MACROD2: variants seen among roughly 807,000 people sequenced by gnomAD.
MACROD2 encodes the protein mono-ADP ribosylhydrolase 2.
In MACROD2, 36 loss-of-function variants were observed where a neutral mutation model predicts 70.4. That is an observed-to-expected ratio of 0.51 (90% confidence interval 0.39 to 0.68). The LOEUF is 0.68. Ranked by LOEUF, MACROD2 falls within the 30% of genes least tolerant of loss-of-function variation. MACROD2 has a pLI of 0.00. For synonymous variants in MACROD2, 172 were observed against 178.8 expected, an observed-to-expected ratio of 0.96 and a Z score of 0.30; for missense variants, 496 against 538.4, an observed-to-expected ratio of 0.92 and a Z score of 0.78.
intron 5 of MACROD2, among the ~76,000 whole-genome samples, chr20:14,866,537 A>G (rs1160665624): frequency 6.6e-6 from 1 of 152,142 alleles, no homozygotes; most frequent in Non-Finnish European, 1.5e-5. Context: ...TTGGTGATTC[A>G]TAATTTAGTA....
At position 15,460,902 on chromosome 20, in the gene MACROD2, G is replaced by GC. The variant is rs1302145432; in HGVS notation, c.571+29467_571+29468insC. On this transcript the variant is annotated intron_variant, in intron 7 of 17. Transcript: ENST00000684519. Reference sequence around the variant, plus strand: ...AACCTAAGTGTGATGGAGAAGTGAGGGTAGATGTGGAGAAGATGAATGAGT... The same window carrying GC: ...AACCTAAGTGTGATGGAGAAGTGAGGCGTAGATGTGGAGAAGATGAATGAGT... 3.4e-5 allele frequency among the ~76,000 whole-genome samples: 5 copies of GC among 148,046 alleles called. No homozygotes were observed. In the Admixed American group the frequency reaches 3.4e-4, roughly 10 times the overall value.
At chr20:14,688,705 G>T (rs965989231) in intron 5 of MACROD2, among the ~76,000 whole-genome samples, 16 of 152,108 alleles carry the variant, frequency 1.1e-4, no homozygotes, top group African/African-American at 3.9e-4. Flanking sequence ...TTAGAAGCTT[G>T]TTGACATATG....
chr20:14,319,419 C>G (rs2082639670), intron 3 of MACROD2, among the ~76,000 whole-genome samples: 1 of 152,306 alleles, frequency 6.6e-6, no homozygotes, highest in Non-Finnish European at 1.5e-5. Flanking sequence ...CTCCCATCTT[C>G]TTCCTCAGGT....
chr20:15,984,124 A>G (rs2066442528), intron 13 of MACROD2, among the ~76,000 whole-genome samples: 2 of 86,524 alleles, frequency 2.3e-5, no homozygotes, highest in Admixed American at 2.6e-4. Context: ...ACTTTTTTTA[A>G]CTTTTTATAA....
At chr20:15,789,157 A>T (rs1484343824) in intron 8 of MACROD2, among the ~76,000 whole-genome samples, 3 of 152,170 alleles carry the variant, frequency 2.0e-5, no homozygotes, top group African/African-American at 7.2e-5. Context: ...TCTGATTTCT[A>T]GCCACAGCGA....
intron 7 of MACROD2, among the ~76,000 whole-genome samples, chr20:15,447,833 G>A (rs1369499611): frequency 6.6e-6 from 1 of 152,120 alleles, no homozygotes; most frequent in East Asian, 1.9e-4. Flanking sequence ...TCTAATGGGG[G>A]AGTGACTCAT....
At chr20:15,341,574 T>C (rs965020729) in intron 6 of MACROD2, among the ~76,000 whole-genome samples, 11 of 152,330 alleles carry the variant, frequency 7.2e-5, no homozygotes, top group Admixed American at 7.2e-4. Flanking sequence ...TTGACATATG[T>C]TAAGGAAAAT....
At chr20:14,563,821 C>T (rs924660271) in intron 4 of MACROD2, among the ~76,000 whole-genome samples, 8 of 151,910 alleles carry the variant, frequency 5.3e-5, no homozygotes, top group African/African-American at 1.4e-4. Context: ...TTACCAACAT[C>T]GTTTTTCCCA....
chr20:14,045,074 C>A (rs12481246), intron 2 of MACROD2, among the ~76,000 whole-genome samples: 2 of 152,146 alleles, frequency 1.3e-5, no homozygotes, highest in Non-Finnish European at 2.9e-5. Context: ...CTTGCCGCTC[C>A]GAGTGCGGGG....
intron 8 of MACROD2, among the ~76,000 whole-genome samples, chr20:15,712,121 A>T (rs1600795001): frequency 6.6e-6 from 1 of 152,242 alleles, no homozygotes; most frequent in East Asian, 1.9e-4. Context: ...TCCAGCAGCC[A>T]AAATGTTGTT....
intron 3 of MACROD2, among the ~76,000 whole-genome samples, chr20:14,347,500 A>T (rs117036502): frequency 0.012 from 1,824 of 152,234 alleles, 19 homozygotes; most frequent in Admixed American, 0.023. Flanking sequence ...AATATAGTAA[A>T]ATCTGATTGT....
intron 5 of MACROD2, among the ~76,000 whole-genome samples, chr20:14,781,081 T>C (rs535043912): frequency 2.0e-5 from 3 of 152,194 alleles, no homozygotes; most frequent in Admixed American, 1.3e-4. Flanking sequence ...TTTGCTGTTT[T>C]GAAATATACA....
chr20:14,342,092 C>T (rs2083019142), intron 3 of MACROD2, among the ~76,000 whole-genome samples: 1 of 152,148 alleles, frequency 6.6e-6, no homozygotes, highest in Admixed American at 6.5e-5. Flanking sequence ...AGGTTCATTC[C>T]CGAACCTATT....
At chr20:16,004,440 G>T (rs1043972087) in intron 15 of MACROD2, among the ~76,000 whole-genome samples, 2 of 152,170 alleles carry the variant, frequency 1.3e-5, no homozygotes, top group Non-Finnish European at 1.5e-5. Context: ...AATCATGTAT[G>T]CTACTAAAGG....
intron 3 of MACROD2, among the ~76,000 whole-genome samples, chr20:14,249,947 G>A (rs769424466): frequency 2.6e-5 from 4 of 152,152 alleles, no homozygotes; most frequent in Non-Finnish European, 5.9e-5. Flanking sequence ...CAAAGTCAAA[G>A]TATAAAAGGA....
chr20:15,772,557 T>C (rs1416533218), intron 8 of MACROD2, among the ~76,000 whole-genome samples: 2 of 152,134 alleles, frequency 1.3e-5, no homozygotes, highest in Non-Finnish European at 2.9e-5. Flanking sequence ...AATGATTGTA[T>C]TAGTCTGTTT....
chr20:14,057,054 CA>C (rs1450106412), intron 2 of MACROD2, among the ~76,000 whole-genome samples: 1 of 151,842 alleles, frequency 6.6e-6, no homozygotes, highest in Non-Finnish European at 1.5e-5. Context: ...TGTGGATATC[CA>C]AATGGGAAAA....
chr20:15,899,141 ATG>A (rs2065023710), intron 10 of MACROD2, among the ~76,000 whole-genome samples: 3 of 151,910 alleles, frequency 2.0e-5, no homozygotes, highest in Admixed American at 1.3e-4. Context: ...ATACAAATAT[ATG>A]GGTGTATATA....
intron 5 of MACROD2, among the ~76,000 whole-genome samples, chr20:14,932,458 GT>G (rs1378379362): frequency 1.3e-5 from 2 of 152,090 alleles, no homozygotes; most frequent in Non-Finnish European, 2.9e-5. Context: ...CCTGTTAAAA[GT>G]TATCCATCTT....
Sources: gnomAD v4.1 joint callset for allele counts (sites outside exome capture counted in the v4.1 genomes callset) on GRCh38, gnomAD v4.1.1 for gene constraint, MANE v1.5 for transcripts, NCBI Gene and HGNC (gene_info 2026-07-23, HGNC 2026-07-21) for gene names.